PDE4D: variants seen among roughly 807,000 people sequenced by gnomAD.
PDE4D encodes the protein phosphodiesterase 4D.
PDE4D carries 24 observed loss-of-function variants against 87.4 expected under a neutral mutation model. The observed-to-expected ratio is 0.27, with a 90% CI of 0.20 to 0.39. The LOEUF (loss-of-function observed/expected upper bound fraction) is 0.39. PDE4D is among the 10% of genes least tolerant of loss of function. The pLI is 1.00. For missense variants in PDE4D, 714 were observed against 1,041.0 expected (o/e 0.69, Z 4.32); for synonymous variants, 384 against 383.2 (o/e 1.00, Z -0.02).
At chr5:60,376,495 A>C (rs1761445773) in intron 1 of PDE4D, among the ~76,000 whole-genome samples, 1 of 152,156 alleles carries the variant, frequency 6.6e-6, no homozygotes, top group Non-Finnish European at 1.5e-5. Context: ...CTCCTAACGC[A>C]TCCCACACTT....
intron 1 of PDE4D, among the ~76,000 whole-genome samples, chr5:60,219,775 C>T (rs1478325945): frequency 6.6e-6 from 1 of 152,194 alleles, no homozygotes; most frequent in African/African-American, 2.4e-5. Context: ...AATGAGTTCA[C>T]TGCTGCAGAG....
intron 1 of PDE4D, among the ~76,000 whole-genome samples, chr5:59,694,967 C>G (rs1580475049): frequency 1.3e-5 from 2 of 152,252 alleles, no homozygotes; most frequent in African/African-American, 4.8e-5. Context: ...CAAGGAGGCA[C>G]AGAGAGGTGC....
chr5:59,447,533 G>A (rs1271100060), intron 1 of PDE4D, among the ~76,000 whole-genome samples: 1 of 152,222 alleles, frequency 6.6e-6, no homozygotes, highest in East Asian at 1.9e-4. Context: ...GCACAATACA[G>A]TGTACAAATT....
intron 1 of PDE4D, among the ~76,000 whole-genome samples, chr5:59,238,416 G>A (rs1368319096): frequency 3.3e-5 from 5 of 152,124 alleles, no homozygotes; most frequent in African/African-American, 1.2e-4. Context: ...GAATACATGA[G>A]AACTCACATA....
intron 1 of PDE4D, among the ~76,000 whole-genome samples, chr5:59,295,822 A>C (rs528471138): frequency 3.1e-4 from 47 of 151,382 alleles, no homozygotes; most frequent in Admixed American, 5.9e-4. Flanking sequence ...TAGGGAGTGA[A>C]GTAGGCTAAG....
chr5:59,559,835 C>T (rs1228106789), intron 1 of PDE4D, among the ~76,000 whole-genome samples: 1 of 152,210 alleles, frequency 6.6e-6, no homozygotes, highest in Non-Finnish European at 1.5e-5. Context: ...CAATCACATT[C>T]TTTAAGGGCT....
At chr5:59,648,709 G>T (rs1742876418) in intron 1 of PDE4D, among the ~76,000 whole-genome samples, 1 of 131,222 alleles carries the variant, frequency 7.6e-6, no homozygotes, top group Admixed American at 8.0e-5. Context: ...AGTAATTTAG[G>T]CATCTAACCT....
intron 1 of PDE4D, 30 bp from the exon 2 acceptor site, chr5:59,215,998 C>T: frequency 9.9e-6 from 15 of 1,511,884 alleles, no homozygotes; most frequent in African/African-American, 1.4e-5. Context: ...AATTATGTTG[C>T]TGTGAACATT....
chr5:59,175,866 G>A (rs1054929546), intron 5 of PDE4D, among the ~76,000 whole-genome samples: 12 of 146,220 alleles, frequency 8.2e-5, no homozygotes, highest in Non-Finnish European at 1.3e-4. Flanking sequence ...CTGAGCTCAA[G>A]CAGTCCTCCC....
chr5:60,074,984 G>A (rs189076422), intron 2 of PDE4D, among the ~76,000 whole-genome samples: 1 of 152,168 alleles, frequency 6.6e-6, no homozygotes, highest in Admixed American at 6.5e-5. Flanking sequence ...TTTTAATTGG[G>A]AGCATTTAGG....
chr5:59,499,971 A>C (rs1807997076), intron 1 of PDE4D, among the ~76,000 whole-genome samples: 1 of 152,128 alleles, frequency 6.6e-6, no homozygotes, highest in Non-Finnish European at 1.5e-5. Context: ...CAACAACAAA[A>C]ACCCTACATG....
Position 59,712,298 on chromosome 5 carries a change from G to A in PDE4D, c.455+180870C>T, listed in dbSNP as rs141919395. Among the ~76,000 whole-genome samples the A allele has an allele frequency of 3.2e-4, 47 of 148,830 alleles. 1 individual carries two copies. Among genetic ancestry groups the A allele is most frequent in the South Asian group, 2.1e-4 (1 of 4,754 alleles). ...CTAACCTTATGGTCTAAATGATCTC[G>A]TTCTGTCTGTCTATCCATTTGTCTG... On this transcript the variant is annotated intron_variant, in intron 1 of 14. Transcript: ENST00000340635.
rs149626511 is a variant in PDE4D at position 59,210,639 on chromosome 5, T to G, written c.647+5138A>C. Reference sequence around the variant, plus strand: ...ATATGCCCCAGCTTTTTATGGTATATCAAATCTACTCACTTCCTCGTCACT... The same window carrying G: ...ATATGCCCCAGCTTTTTATGGTATAGCAAATCTACTCACTTCCTCGTCACT... On this transcript the variant is annotated intron_variant, in intron 2 of 14. Transcript: ENST00000340635. Among the ~76,000 whole-genome samples the G allele has an allele frequency of 1.3e-3, 192 of 152,334 alleles. 1 individual carries two copies. The highest frequency in any genetic ancestry group is 4.4e-3 in the African/African-American group (185 of 41,584).
chr5:59,056,561 A>G (rs1762399763), intron 5 of PDE4D, among the ~76,000 whole-genome samples: 1 of 152,082 alleles, frequency 6.6e-6, no homozygotes, highest in Non-Finnish European at 1.5e-5. Context: ...TAAGACCCGC[A>G]TGCATTCGGT....
At chr5:59,698,808 CT>C (rs978621552) in intron 1 of PDE4D, among the ~76,000 whole-genome samples, 40 of 152,268 alleles carry the variant, frequency 2.6e-4, no homozygotes, top group African/African-American at 8.4e-4. Context: ...AAAAAACTAC[CT>C]TCATTAGCAC....
chr5:60,407,885 C>A lies in PDE4D; in HGVS notation c.-90+80057G>T, dbSNP rs181226286. ...CGGTCTATGTCATCTCCCTTGAACT[C>A]GGTGGGTTTTGTGACTATTGCAACC... On this transcript the variant is annotated intron_variant, in intron 1 of 16. Transcript: ENST00000502484. Among the ~76,000 whole-genome samples, 513 of 152,252 alleles carry A rather than the reference C, an allele frequency of 3.4e-3. 4 individuals are homozygous for A. Among genetic ancestry groups the A allele is most frequent in the African/African-American group, 0.012 (479 of 41,554 alleles).
At chr5:59,137,701 T>C (rs957336928) in intron 5 of PDE4D, among the ~76,000 whole-genome samples, 1 of 152,112 alleles carries the variant, frequency 6.6e-6, no homozygotes, top group Non-Finnish European at 1.5e-5. Flanking sequence ...TAATTTTTTG[T>C]ATTTTTAGTA....
At chr5:59,934,700 T>C (rs555684379) in intron 3 of PDE4D, among the ~76,000 whole-genome samples, 1 of 152,304 alleles carries the variant, frequency 6.6e-6, no homozygotes, top group South Asian at 2.1e-4. Context: ...GGTAAGGGAT[T>C]AGAGAATATA....
chr5:59,961,111 C>G (rs1211977773), intron 3 of PDE4D, among the ~76,000 whole-genome samples: 1 of 151,902 alleles, frequency 6.6e-6, no homozygotes, highest in Non-Finnish European at 1.5e-5. Flanking sequence ...AACTGTGGTC[C>G]ACAAAAGATA....
Sources: gnomAD v4.1 joint callset for allele counts (sites outside exome capture counted in the v4.1 genomes callset) on GRCh38, gnomAD v4.1.1 for gene constraint, MANE v1.5 for transcripts, NCBI Gene and HGNC (gene_info 2026-07-23, HGNC 2026-07-21) for gene names.